Variants in SUN1 observed in about 807,000 individuals in gnomAD.
The protein encoded by SUN1 is SUN domain-containing protein 1.
Under a neutral mutation model 103.2 loss-of-function variants are expected in SUN1, and 61 were observed. The observed-to-expected ratio is 0.59, with a 90% confidence interval of 0.48 to 0.73. The LOEUF (loss-of-function observed/expected upper bound fraction) is 0.73, where lower values mean the gene tolerates loss of function less well. SUN1 is among the 30% of genes least tolerant of loss of function. SUN1 has a pLI of 0.00. For missense variants in SUN1, 1,052 were observed against 1,034.6 expected, an observed-to-expected ratio of 1.02 and a Z score of -0.23; for synonymous variants, 490 against 425.7, an observed-to-expected ratio of 1.15 and a Z score of -1.86.
chr7:860,397 C>T lies in SUN1; in HGVS notation c.1779+15C>T, dbSNP rs756822992. The T allele has an allele frequency of 6.2e-6, 10 of 1,609,340 alleles. No homozygotes were observed. The South Asian group carries it at 7.7e-5, about 12-fold the overall frequency. ...TAACAGAGGCGGTGAGTCGGCGAGT[C>T]GGCGGCAAGAGATGCTTACAGTCCA... On this transcript the variant is annotated intron_variant, in intron 14 of 18. Coordinates refer to ENST00000401592, the MANE Select transcript of SUN1 (RefSeq NM_001130965.3).
At position 869,202 on chromosome 7, in the gene SUN1, C is replaced by T. The variant is rs186842601; in HGVS notation, c.1981-147C>T. On this transcript the variant is annotated intron_variant, in intron 16 of 18. Coordinates refer to ENST00000401592, the MANE Select transcript of SUN1 (RefSeq NM_001130965.3). ...TGAGGAGTGAATTACAAATGCCTTT[C>T]CCAGCTTATCTTCGGATTTTGCTCA... 32 of 961,592 alleles carry T rather than the reference C, an allele frequency of 3.3e-5. No homozygotes were observed. In the African/African-American group the frequency reaches 4.6e-4, roughly 14 times the overall value. The allele number at this position is 961,592 out of a possible 1,614,324, so 59.6% of individuals were successfully genotyped here.
chr7:855,630 G>C (rs1826404232), intron 11 of SUN1, among the ~76,000 whole-genome samples: 1 of 152,224 alleles, frequency 6.6e-6, no homozygotes, highest in Non-Finnish European at 1.5e-5. Flanking sequence ...GGAATCTTGG[G>C]ACCCACTCCT....
intron 5 of SUN1, among the ~76,000 whole-genome samples, chr7:848,243 C>T (rs541920726): frequency 3.0e-4 from 46 of 152,144 alleles, no homozygotes; most frequent in African/African-American, 5.8e-4. Context: ...GGGGTTGCTC[C>T]GCAGCACCCT....
chr7:832,875 G>T lies in SUN1; in HGVS notation c.77+274G>T, dbSNP rs10258083. 602 of 441,304 alleles carry T rather than the reference G, an allele frequency of 1.4e-3. 6 individuals carry two copies. Among genetic ancestry groups the T allele is most frequent in the African/African-American group, 0.011 (556 of 51,008 alleles). 27.3% of individuals were successfully genotyped at this position (441,304 alleles called of 1,614,324 possible). A position where few individuals can be genotyped will look rare whatever the true frequency, so the allele number is the denominator to read the frequency against. Reference sequence around the variant, plus strand: ...ACCCAGGTGGTTGTGATGTTGAGAAGATGTCTCTGTGGTGATGCCTGGTGT... The same window carrying T: ...ACCCAGGTGGTTGTGATGTTGAGAATATGTCTCTGTGGTGATGCCTGGTGT... On this transcript the variant is annotated intron_variant, in intron 1 of 18. Transcript: ENST00000401592.
At chr7:846,745 C>T (rs969576679) in intron 5 of SUN1, among the ~76,000 whole-genome samples, 1 of 152,034 alleles carries the variant, frequency 6.6e-6, no homozygotes, top group African/African-American at 2.4e-5. Context: ...GGCATGGTGG[C>T]ATGTGCCTGT....
At chr7:822,030 C>G (rs1786592350) in intron 1 of SUN1, among the ~76,000 whole-genome samples, 1 of 152,158 alleles carries the variant, frequency 6.6e-6, no homozygotes, top group African/African-American at 2.4e-5. Context: ...GAGCTCGTTG[C>G]TATTTTGGAC....
At position 860,324 on chromosome 7, in the gene SUN1, C is replaced by T. The variant is rs1237375665; in HGVS notation, c.1721C>T (p.Thr574Ile). The T allele has an allele frequency of 6.2e-7, 1 of 1,614,240 alleles. No homozygotes were observed. Among genetic ancestry groups the T allele is most frequent in the Non-Finnish European group, 8.5e-7 (1 of 1,180,038 alleles). ...HHVSVTKQLP[T>I]SEAVVSAVSE... Reference sequence around the variant, plus strand: ...GTTTCCGTGACCAAGCAGCTCCCAACCTCAGAAGCCGTGGTGTCTGCTGTG... The same window carrying T: ...GTTTCCGTGACCAAGCAGCTCCCAATCTCAGAAGCCGTGGTGTCTGCTGTG... The change falls in exon 14 of 19, where the codon ACC (threonine) becomes ATC (isoleucine). Residue 574 changes from threonine to isoleucine, a missense_variant. Transcript: ENST00000401592.
chr7:826,236 C>G (rs1363341992), intron 1 of SUN1, among the ~76,000 whole-genome samples: 1 of 150,284 alleles, frequency 6.7e-6, no homozygotes, highest in East Asian at 2.0e-4. Flanking sequence ...TCTTAAAATA[C>G]ATACATAAGA....
chr7:865,626 T>C (rs184633726), intron 15 of SUN1, among the ~76,000 whole-genome samples: 27 of 152,298 alleles, frequency 1.8e-4, no homozygotes, highest in African/African-American at 6.3e-4. Context: ...TGCCAGATCA[T>C]ATGGTAGCTC....
chr7:843,646 A>T, intron 5 of SUN1, 126 bp downstream of exon 5: 1 of 1,570,154 alleles, frequency 6.4e-7, no homozygotes, highest in Non-Finnish European at 8.6e-7. Flanking sequence ...AAAGCATAAG[A>T]AGTACACCCC....
At chr7:841,714 A>G in intron 2 of SUN1, 1 of 491,872 alleles carries the variant, frequency 2.0e-6, no homozygotes. Context: ...TGGTGCCCAA[A>G]ATAACCTGGA....
intron 15 of SUN1, among the ~76,000 whole-genome samples, chr7:862,072 G>A (rs756103286): frequency 6.6e-6 from 1 of 152,224 alleles, no homozygotes; most frequent in South Asian, 2.1e-4. Flanking sequence ...GATCAGACAC[G>A]AGCATTTCCG....
upstream of SUN1, among the ~76,000 whole-genome samples, chr7:829,905 C>G (rs1796415487): frequency 6.6e-6 from 1 of 152,210 alleles, no homozygotes; most frequent in South Asian, 2.1e-4. Context: ...CTTTACTCTT[C>G]AAAATAACCG....
chr7:863,588 C>T (rs952098226), intron 15 of SUN1, among the ~76,000 whole-genome samples: 1 of 152,182 alleles, frequency 6.6e-6, no homozygotes, highest in Non-Finnish European at 1.5e-5. Context: ...GTGCAGCCAT[C>T]ACCACTGCCT....
chr7:827,360 T>C (rs1048885333), intron 1 of SUN1, among the ~76,000 whole-genome samples: 1 of 151,822 alleles, frequency 6.6e-6, no homozygotes, highest in Non-Finnish European at 1.5e-5. Flanking sequence ...TTCAGCCTTG[T>C]ATGAAGATTT....
rs1831230789 is a variant in SUN1, at chr7:860,385, G to A, written c.1779+3G>A. The A allele has an allele frequency of 6.2e-7, 1 of 1,610,470 alleles. No homozygotes were observed. The highest frequency in any genetic ancestry group is 1.3e-5 in the African/African-American group (1 of 74,996). ...GGGCGTCTGGAATAACAGAGGCGGT[G>A]AGTCGGCGAGTCGGCGGCAAGAGAT... On this transcript the variant is annotated splice_donor_region_variant and intron_variant, in intron 14 of 18. Transcript: ENST00000401592.
chr7:842,142 C>T lies in SUN1; in HGVS notation c.451+12C>T, dbSNP rs751951307. 11 of 1,605,628 alleles carry T rather than the reference C, an allele frequency of 6.9e-6. No homozygotes were observed. The highest frequency in any genetic ancestry group is 6.7e-5 in the East Asian group (3 of 44,648). ...GGACCACTTCTGGGGTGAGTCCCTG[C>T]GAGACACAGATTGTCCCGCCTACAG... On this transcript the variant is annotated intron_variant, in intron 3 of 18. Coordinates refer to ENST00000401592, the MANE Select transcript of SUN1 (RefSeq NM_001130965.3).
intron 10 of SUN1, among the ~76,000 whole-genome samples, chr7:854,629 G>C (rs1340836388): frequency 2.0e-5 from 3 of 152,258 alleles, no homozygotes; most frequent in Non-Finnish European, 4.4e-5. Flanking sequence ...TGTGGTCCCA[G>C]CTACTCAGGA....
chr7:841,795 C>A, intron 2 of SUN1, 151 bp from the exon 3 acceptor site: 1 of 741,906 alleles, frequency 1.3e-6, no homozygotes, highest in Non-Finnish European at 2.1e-6. Flanking sequence ...TTTATATTAA[C>A]AGTTGATTCA....
Sources: gnomAD v4.1 joint callset for allele counts (sites outside exome capture counted in the v4.1 genomes callset) on GRCh38, gnomAD v4.1.1 for gene constraint, MANE v1.5 for transcripts, NCBI Gene and HGNC (gene_info 2026-07-23, HGNC 2026-07-21) for gene names.